DPYD: variants seen among roughly 807,000 people sequenced by gnomAD.
The protein encoded by DPYD is dihydropyrimidine dehydrogenase [NADP(+)].
DPYD carries 109 observed loss-of-function variants against 116.2 expected under a neutral mutation model. The observed-to-expected ratio is 0.94, with a 90% CI of 0.80 to 1.10. DPYD has a LOEUF of 1.10. Among genes scored for constraint, DPYD ranks in the 50% least tolerant of loss-of-function variants. The pLI is 0.00. For missense variants in DPYD, 1,302 were observed against 1,254.5 expected (o/e 1.04, Z -0.57); for synonymous variants, 440 against 432.0 (o/e 1.02, Z -0.23).
intron 7 of DPYD, among the ~76,000 whole-genome samples, 198 bp from the exon 8 acceptor site, chr1:97,679,380 A>G (rs1214449145): frequency 6.6e-6 from 1 of 152,192 alleles, no homozygotes; most frequent in African/African-American, 2.4e-5. Context: ...ATGTTCTATT[A>G]AGGGCTAAAT....
At chr1:97,149,418 A>G (rs1382613587) in intron 20 of DPYD, among the ~76,000 whole-genome samples, 1 of 152,014 alleles carries the variant, frequency 6.6e-6, no homozygotes, top group African/African-American at 2.4e-5. Flanking sequence ...ACGCCCAGCT[A>G]ATTTTTGTAT....
intron 11 of DPYD, among the ~76,000 whole-genome samples, chr1:97,553,739 C>T (rs1292142896): frequency 6.6e-6 from 1 of 151,960 alleles, no homozygotes; most frequent in Non-Finnish European, 1.5e-5. Context: ...CATGAGATTG[C>T]ATCTTGATGG....
intron 18 of DPYD, among the ~76,000 whole-genome samples, chr1:97,250,088 A>G (rs1662987112): frequency 6.6e-6 from 1 of 151,980 alleles, no homozygotes; most frequent in South Asian, 2.1e-4. Flanking sequence ...TGGCCAACAT[A>G]GTGAAACCCT....
intron 4 of DPYD, among the ~76,000 whole-genome samples, chr1:97,739,608 G>T (rs567892130): frequency 5.8e-4 from 88 of 152,174 alleles, no homozygotes; most frequent in Non-Finnish European, 8.5e-4. Flanking sequence ...GAGGAGTTAA[G>T]GTATCTTTAC....
chr1:97,298,815 G>A (rs1239503174), intron 18 of DPYD, among the ~76,000 whole-genome samples: 2 of 152,076 alleles, frequency 1.3e-5, no homozygotes, highest in Non-Finnish European at 2.9e-5. Context: ...TCCTTAGGGA[G>A]TCGAGTGATT....
rs1672325016 is a variant in DPYD, at chr1:97,883,371, TACTCTAAAG to T, written c.40-6_42del. On this transcript the variant is annotated splice_acceptor_variant and splice_polypyrimidine_tract_variant and coding_sequence_variant and intron_variant, in exon 2 of 23. Coordinates refer to ENST00000370192, the MANE Select transcript of DPYD (RefSeq NM_000110.4). LOFTEE classifies it high-confidence loss of function. ...TGTGTTCGAGGATTTAAAGCCAGGA[TACTCTAAAG>T]ACAGCATAAACAATGTGTAAATATA... 6.3e-7 allele frequency: 1 copy of T among 1,595,224 alleles called. No individual in the cohort carries two copies. The highest frequency in any genetic ancestry group is 1.7e-5 in the Admixed American group (1 of 59,892).
chr1:97,218,950 CA>C (rs1045836968), intron 19 of DPYD, among the ~76,000 whole-genome samples: 11 of 151,884 alleles, frequency 7.2e-5, no homozygotes, highest in Non-Finnish European at 1.3e-4. Flanking sequence ...TTTGAAAAGG[CA>C]AAGGTGCCTA....
intron 18 of DPYD, among the ~76,000 whole-genome samples, chr1:97,272,003 T>C (rs1374463896): frequency 6.6e-6 from 1 of 152,206 alleles, no homozygotes; most frequent in African/African-American, 2.4e-5. Context: ...TTCTGCAATT[T>C]GAACTTAGAG....
chr1:97,534,852 G>A (rs982172811), intron 12 of DPYD, among the ~76,000 whole-genome samples: 1 of 151,518 alleles, frequency 6.6e-6, no homozygotes, highest in African/African-American at 2.4e-5. Context: ...AACCATAATG[G>A]GTATTCAATA....
intron 8 of DPYD, among the ~76,000 whole-genome samples, chr1:97,647,089 C>T (rs979938470): frequency 1.3e-5 from 2 of 151,988 alleles, no homozygotes; most frequent in Non-Finnish European, 2.9e-5. Context: ...TTCATCAGCT[C>T]TGGAAGCTCC....
intron 8 of DPYD, among the ~76,000 whole-genome samples, chr1:97,642,787 C>T (rs1408181985): frequency 2.7e-5 from 4 of 148,710 alleles, no homozygotes; most frequent in African/African-American, 4.9e-5. Context: ...TGCTAAATGA[C>T]GAGTTAATGG....
chr1:97,913,340 T>C (rs2101711913), intron 1 of DPYD, among the ~76,000 whole-genome samples: 1 of 152,244 alleles, frequency 6.6e-6, no homozygotes, highest in Admixed American at 6.5e-5. Context: ...AGCATTTCCT[T>C]AATATGAACA....
At chr1:97,450,543 A>G (rs1006986392) in intron 13 of DPYD, among the ~76,000 whole-genome samples, 4 of 152,134 alleles carry the variant, frequency 2.6e-5, no homozygotes, top group African/African-American at 7.2e-5. Flanking sequence ...TAATAAAAAT[A>G]TGATAGGTAA....
At position 97,679,116 on chromosome 1, in the gene DPYD, T is replaced by G; in HGVS notation, c.829A>C (p.Lys277Gln). Residue 277 changes from lysine (K) to glutamine (Q), a missense_variant, in exon 8 of 23, where the codon AAA (lysine) becomes CAA (glutamine). Transcript: ENST00000370192. ...TCACCTATTCCAATGAAAGCAGCTT[T>G]GTAGCCTTTTTCTTTCAAAGTGCTA... ...TLSTLKEKGY[K>Q]AAFIGIGLPE... 6.3e-7 allele frequency: 1 copy of G among 1,578,002 alleles called. No individual in the cohort carries two copies. Among genetic ancestry groups the G allele is most frequent in the East Asian group, 2.2e-5 (1 of 44,456 alleles).
At chr1:97,131,488 G>A (rs144711500) in intron 20 of DPYD, among the ~76,000 whole-genome samples, 188 of 139,976 alleles carry the variant, frequency 1.3e-3, no homozygotes, top group South Asian at 2.3e-3. Flanking sequence ...TTAGTGCTAT[G>A]GGATGTGCAC....
chr1:97,456,252 A>G (rs1385122780), intron 13 of DPYD, among the ~76,000 whole-genome samples: 1 of 152,002 alleles, frequency 6.6e-6, no homozygotes, highest in Admixed American at 6.6e-5. Flanking sequence ...CAGTTGCAAG[A>G]AAAACAAATC....
chr1:97,559,967 G>A (rs1652026619), intron 11 of DPYD, among the ~76,000 whole-genome samples: 1 of 152,092 alleles, frequency 6.6e-6, no homozygotes. Flanking sequence ...TTATAGTTGA[G>A]GAATGTGAGA....
chr1:97,888,367 T>C (rs1355789900), intron 1 of DPYD, among the ~76,000 whole-genome samples: 2 of 151,860 alleles, frequency 1.3e-5, no homozygotes, highest in African/African-American at 4.8e-5. Flanking sequence ...CAATGATATG[T>C]GATACACCAC....
intron 18 of DPYD, among the ~76,000 whole-genome samples, chr1:97,261,740 T>G (rs1293151977): frequency 6.6e-6 from 1 of 152,036 alleles, no homozygotes; most frequent in African/African-American, 2.4e-5. Flanking sequence ...AGCTAATTTA[T>G]TCCTCATAAT....
Sources: gnomAD v4.1 joint callset for allele counts (sites outside exome capture counted in the v4.1 genomes callset) on GRCh38, gnomAD v4.1.1 for gene constraint, MANE v1.5 for transcripts, NCBI Gene and HGNC (gene_info 2026-07-23, HGNC 2026-07-21) for gene names.